The following SEMA3C variants were observed in gnomAD, a reference collection of about 807,000 sequenced individuals.
SEMA3C encodes the protein semaphorin 3C, also known as semaphorin-3C.
SEMA3C carries 47 observed loss-of-function variants against 89.4 expected under a neutral mutation model. The observed-to-expected ratio is 0.53, with a 90% CI of 0.42 to 0.67. The LOEUF (loss-of-function observed/expected upper bound fraction) is 0.67. Ranked by LOEUF, SEMA3C falls within the 30% of genes least tolerant of loss-of-function variation. The pLI, the probability that SEMA3C is intolerant of heterozygous loss-of-function variation, is 0.00. For missense variants in SEMA3C, 839 were observed against 929.1 expected, an observed-to-expected ratio of 0.90 and a Z score of 1.26; for synonymous variants, 310 against 320.2, an observed-to-expected ratio of 0.97 and a Z score of 0.34.
chr7:80,870,524 A>G (rs1177163018), intron 2 of SEMA3C, among the ~76,000 whole-genome samples: 4 of 152,230 alleles, frequency 2.6e-5, no homozygotes, highest in African/African-American at 9.6e-5. Flanking sequence ...CTATGCTACC[A>G]TAACGACAAA....
chr7:80,866,265 GACTAAAAGACAA>G (rs140386834), intron 2 of SEMA3C, among the ~76,000 whole-genome samples: 13,648 of 152,030 alleles, frequency 0.09, 895 homozygotes, highest in African/African-American at 0.18. Flanking sequence ...TTAGGCCTGA[GACTAAAAGACAA>G]ACTATCTTCT....
intron 15 of SEMA3C, among the ~76,000 whole-genome samples, chr7:80,754,957 G>GGTTTTTTTTTGTTTTTTTTTTT (rs1788025146): frequency 2.8e-5 from 3 of 108,368 alleles, no homozygotes; most frequent in Admixed American, 1.0e-4. Context: ...GTTTTTTTTT[G>GGTTTTTTTTTGTTTTTTTTTTT]TTTTTTTTTT....
In SEMA3C at chr7:80,786,568, A is replaced by G. The variant is rs146545685; in HGVS notation, c.1354+2738T>C. The stretch of plus-strand genomic sequence containing the variant: ...TCAGGAAAAAGAAAACTGTTTTTCT[A>G]ACACAAACTCTAAGTTGAATGATCT... On this transcript the variant is annotated intron_variant, in intron 12 of 17. Transcript: ENST00000265361. Among the ~76,000 whole-genome samples, 306 of 152,342 alleles carry G rather than the reference A, an allele frequency of 2.0e-3. 1 individual carries two copies. Among genetic ancestry groups the G allele is most frequent in the African/African-American group, 6.9e-3 (285 of 41,590 alleles).
intron 2 of SEMA3C, among the ~76,000 whole-genome samples, chr7:80,886,732 T>G (rs1583979820): frequency 6.6e-6 from 1 of 152,280 alleles, no homozygotes; most frequent in East Asian, 1.9e-4. Context: ...TTAGCAAAAA[T>G]TCAGATATCT....
chr7:80,805,790 A>AC, intron 6 of SEMA3C, 32 bp from the exon 7 acceptor site: 1 of 1,531,828 alleles, frequency 6.5e-7, no homozygotes, highest in East Asian at 2.3e-5. Flanking sequence ...TGAAATGTAA[A>AC]TTTTTAAAGC....
At chr7:80,846,749 G>A (rs552611756) in intron 2 of SEMA3C, among the ~76,000 whole-genome samples, 4 of 152,066 alleles carry the variant, frequency 2.6e-5, no homozygotes, top group African/African-American at 9.7e-5. Context: ...TATTTTACTG[G>A]TGCCAAGATA....
chr7:80,785,730 T>A (rs1014880497), intron 12 of SEMA3C, among the ~76,000 whole-genome samples: 2 of 152,146 alleles, frequency 1.3e-5, no homozygotes, highest in African/African-American at 4.8e-5. Flanking sequence ...AGCCTCAGCC[T>A]CCCGAGTAGC....
At chr7:80,846,802 T>C (rs1408860351) in intron 2 of SEMA3C, among the ~76,000 whole-genome samples, 1 of 152,246 alleles carries the variant, frequency 6.6e-6, no homozygotes, top group Non-Finnish European at 1.5e-5. Context: ...AACAGCACTA[T>C]GACGTGCATA....
intron 2 of SEMA3C, among the ~76,000 whole-genome samples, chr7:80,880,856 T>G (rs1025906723): frequency 6.6e-6 from 1 of 151,890 alleles, no homozygotes; most frequent in African/African-American, 2.4e-5. Context: ...ATCCTGGAGG[T>G]GAAGGCTGCA....
intron 12 of SEMA3C, among the ~76,000 whole-genome samples, chr7:80,779,661 T>C (rs1426486766): frequency 2.6e-5 from 4 of 152,152 alleles, no homozygotes; most frequent in Non-Finnish European, 5.9e-5. Flanking sequence ...GTATGGGTCA[T>C]GGCTGACACA....
intron 12 of SEMA3C, among the ~76,000 whole-genome samples, chr7:80,765,799 A>C (rs549287168): frequency 7.2e-5 from 11 of 152,008 alleles, no homozygotes; most frequent in Admixed American, 5.2e-4. Flanking sequence ...GGATGGTCTC[A>C]ATCTCCTGAT....
intron 2 of SEMA3C, among the ~76,000 whole-genome samples, chr7:80,906,978 T>C (rs1331969175): frequency 1.3e-5 from 2 of 152,192 alleles, no homozygotes; most frequent in Non-Finnish European, 1.5e-5. Flanking sequence ...GTTATAATAC[T>C]AGCATATAGA....
At chr7:80,882,412 C>CTTTTTTT (rs763742493) in intron 2 of SEMA3C, among the ~76,000 whole-genome samples, 2 of 46,652 alleles carry the variant, frequency 4.3e-5, no homozygotes, top group Admixed American at 2.5e-4. Context: ...GTAAGGGATG[C>CTTTTTTT]TTTTTTTTTT....
intron 13 of SEMA3C, among the ~76,000 whole-genome samples, chr7:80,764,494 GATAC>G (rs1238889875): frequency 9.9e-5 from 15 of 152,178 alleles, no homozygotes; most frequent in African/African-American, 3.6e-4. Flanking sequence ...CTGGCTCACA[GATAC>G]ATAAAGAACA....
chr7:80,754,933 A>G (rs1788020582), intron 15 of SEMA3C, among the ~76,000 whole-genome samples: 1 of 31,438 alleles, frequency 3.2e-5, no homozygotes, highest in Admixed American at 3.2e-4. Context: ...GCCTGCCACC[A>G]TGCCTGGCGA....
intron 12 of SEMA3C, 59 bp from the exon 13 acceptor site, chr7:80,765,302 G>T: frequency 1.6e-6 from 2 of 1,233,736 alleles, no homozygotes; most frequent in Non-Finnish European, 2.4e-6. Context: ...AAGCTATTTA[G>T]ACATAGGACT....
At position 80,787,361 on chromosome 7, in the gene SEMA3C, C is replaced by T. The variant is rs187076073; in HGVS notation, c.1354+1945G>A. ...GAGCCGAGATCGTGCCACTGCACTC[C>T]AGCCTGGGTGATAGAGCAAGACTCC... On this transcript the variant is annotated intron_variant, in intron 12 of 17. Coordinates refer to ENST00000265361, the MANE Select transcript of SEMA3C (RefSeq NM_006379.5). Among the ~76,000 whole-genome samples, 473 of 147,014 alleles carry T rather than the reference C, an allele frequency of 3.2e-3. 3 individuals are homozygous for T. Among genetic ancestry groups the T allele is most frequent in the African/African-American group, 0.011 (452 of 39,460 alleles).
At position 80,828,684 on chromosome 7, in the gene SEMA3C, C is replaced by T. The variant is rs1286432236; in HGVS notation, c.165G>A (p.Arg55=). The T allele has an allele frequency of 5.6e-6, 9 of 1,612,150 alleles. No homozygotes were observed. In the East Asian group the frequency reaches 2.0e-4, roughly 36 times the overall value. The change falls in exon 3 of 18, where the codon AGG becomes AGA. Residue 55 remains arginine (R), a synonymous_variant. Transcript: ENST00000265361. ...CCTGATCTTCATCCATTAATAAAAT[C>T]CTGTAGTCTAAAGGATGGTGGGAAA... is the stretch of plus-strand genomic sequence containing the variant. ...FSLSHHPLDY[R]ILLMDEDQDR...
chr7:80,875,447 C>A (rs949964584), intron 2 of SEMA3C, among the ~76,000 whole-genome samples: 1 of 152,058 alleles, frequency 6.6e-6, no homozygotes, highest in Non-Finnish European at 1.5e-5. Flanking sequence ...TATGATTAAC[C>A]AATTAATGTG....
Sources: gnomAD v4.1 joint callset for allele counts (sites outside exome capture counted in the v4.1 genomes callset) on GRCh38, gnomAD v4.1.1 for gene constraint, MANE v1.5 for transcripts, NCBI Gene and HGNC (gene_info 2026-07-23, HGNC 2026-07-21) for gene names.